RBM18: variants seen among roughly 807,000 people sequenced by gnomAD.
RBM18 encodes the protein RNA binding motif protein 18, also known as probable RNA-binding protein 18.
RBM18 carries 18 observed loss-of-function variants against 26.4 expected under a neutral mutation model. That is an observed-to-expected ratio of 0.68 (90% CI 0.47 to 1.01). RBM18 has a LOEUF of 1.01. Among genes scored for constraint, RBM18 ranks in the 50% least tolerant of loss-of-function variants. The pLI is 0.00. For synonymous variants in RBM18, 74 were observed against 81.1 expected, an observed-to-expected ratio of 0.91 and a Z score of 0.47; for missense variants, 180 against 219.2, an observed-to-expected ratio of 0.82 and a Z score of 1.13.
intron 3 of RBM18, among the ~76,000 whole-genome samples, chr9:122,250,902 A>AATTATT (rs35650318): frequency 1.3e-4 from 20 of 148,734 alleles, no homozygotes; most frequent in East Asian, 5.9e-4. Flanking sequence ...CACTCATACA[A>AATTATT]ATTATTATTA....
intron 2 of RBM18, among the ~76,000 whole-genome samples, chr9:122,260,879 A>C (rs1831781676): frequency 6.6e-6 from 1 of 152,178 alleles, no homozygotes; most frequent in Admixed American, 6.5e-5. Context: ...TTGGCACTCA[A>C]ATCATTTAAT....
chr9:122,263,287 G>A (rs551900329), intron 1 of RBM18, among the ~76,000 whole-genome samples: 3 of 152,146 alleles, frequency 2.0e-5, no homozygotes, highest in Non-Finnish European at 4.4e-5. Flanking sequence ...TGTAAGTCAA[G>A]CAACTAGGAA....
chr9:122,241,981 G>A lies in RBM18; in HGVS notation c.476C>T (p.Ala159Val). The change falls in exon 6 of 6, where the codon GCA (alanine) becomes GTA (valine). Residue 159 changes from alanine (A) to valine (V), a missense_variant. By Grantham distance (64) the Ala-to-Val change is moderately conservative (BLOSUM62 0). This residue lies in a region of RBM18 where 103 missense variants were observed against 102.8 expected (regional missense o/e 1.00). Transcript: ENST00000417201. ...ATAAACAGGCGCTGCTGGATACTCTGCATCAGGATTTTCCGCCATCATTTT... is the reference window on the plus strand; with the variant it reads ...ATAAACAGGCGCTGCTGGATACTCTACATCAGGATTTTCCGCCATCATTTT... ...KLKMMAENPD[A>V]EYPAAPVYSY... The A allele has an allele frequency of 6.2e-7, 1 of 1,614,070 alleles. No individual in the cohort carries two copies. Among genetic ancestry groups the A allele is most frequent in the Non-Finnish European group, 8.5e-7 (1 of 1,180,002 alleles).
rs1379098245 is a variant in RBM18 at position 122,239,725 on chromosome 9, C to A, written c.*2159G>T. On this transcript the variant is annotated 3_prime_UTR_variant, in exon 6 of 6. Coordinates refer to ENST00000417201, the MANE Select transcript of RBM18 (RefSeq NM_033117.4). ...CTACCACGAGAGACTAAACACAGTA[C>A]GATACTTGCAGAGATTTCCATTAAC... is the stretch of plus-strand genomic sequence containing the variant. 6.6e-6 allele frequency: 1 copy of A among 152,220 alleles called. No homozygotes were observed. The highest frequency in any genetic ancestry group is 2.4e-5 in the African/African-American group (1 of 41,452). The allele number at this position is 152,220 out of a possible 1,614,324, so 9.4% of individuals were successfully genotyped here.
intron 1 of RBM18, among the ~76,000 whole-genome samples, chr9:122,263,598 T>C (rs1168001344): frequency 1.3e-5 from 2 of 151,922 alleles, no homozygotes; most frequent in Admixed American, 6.6e-5. Context: ...AAAAGCAAAA[T>C]AAATAAAGAA....
intron 3 of RBM18, among the ~76,000 whole-genome samples, chr9:122,250,417 C>T (rs895645845): frequency 2.6e-5 from 4 of 152,118 alleles, no homozygotes; most frequent in Admixed American, 2.6e-4. Context: ...AACCCAAATA[C>T]CAGTGAAACA....
Position 122,261,468 on chromosome 9 carries a change from G to T in RBM18, c.25C>A (p.Pro9Thr), listed in dbSNP as rs767203964. The T allele has an allele frequency of 3.7e-6, 6 of 1,613,968 alleles. No homozygotes were observed. The highest frequency in any genetic ancestry group is 5.1e-6 in the Non-Finnish European group (6 of 1,179,934). Reference sequence around the variant, plus strand: ...GAAAGGATGGATGCATTCTCCAGGGGAAGAGTTTTGGTTTCTGCTTCCATC... The same window carrying T: ...GAAAGGATGGATGCATTCTCCAGGGTAAGAGTTTTGGTTTCTGCTTCCATC... Reference protein sequence around the residue: MEAETKTLPLENASILSEG... With the variant: MEAETKTLTLENASILSEG... Residue 9 changes from proline (P) to threonine (T), a missense_variant, in exon 2 of 6, where the codon CCC (proline) becomes ACC (threonine). This residue lies in a region of RBM18 where 49 missense variants were observed against 56.6 expected (regional missense o/e 0.87). Coordinates refer to ENST00000417201, the MANE Select transcript of RBM18 (RefSeq NM_033117.4).
rs575501607 is a variant in RBM18, at chr9:122,240,039, A to T, written c.*1845T>A. The T allele has an allele frequency of 6.6e-6, 1 of 152,380 alleles. No individual in the cohort carries two copies. The highest frequency in any genetic ancestry group is 1.5e-5 in the Non-Finnish European group (1 of 68,040). The allele number at this position is 152,380 out of a possible 1,614,324, so 9.4% of individuals were successfully genotyped here. On this transcript the variant is annotated 3_prime_UTR_variant, in exon 6 of 6. Coordinates refer to ENST00000417201, the MANE Select transcript of RBM18 (RefSeq NM_033117.4). ...GTCTTACATTTATTCACACAGAGGGATAAGAATCAGTACAAATAATAAACA... is the reference window on the plus strand; with the variant it reads ...GTCTTACATTTATTCACACAGAGGGTTAAGAATCAGTACAAATAATAAACA...
In RBM18 at chr9:122,240,519, T is replaced by A. The variant is rs1212971591; in HGVS notation, c.*1365A>T. The A allele has an allele frequency of 2.6e-5, 4 of 152,228 alleles. No homozygotes were observed. The highest frequency in any genetic ancestry group is 5.9e-5 in the Non-Finnish European group (4 of 68,032). The allele number at this position is 152,228 out of a possible 1,614,324, so 9.4% of individuals were successfully genotyped here. A position where few individuals can be genotyped will look rare whatever the true frequency, so the allele number is the denominator to read the frequency against. On this transcript the variant is annotated 3_prime_UTR_variant, in exon 6 of 6. Coordinates refer to ENST00000417201, the MANE Select transcript of RBM18 (RefSeq NM_033117.4). ...TTAAGTTCCTATATTGAAAGCTTCC[T>A]CTTGCTAACAACGATAGTGATAAAC...
At chr9:122,245,657 C>T (rs76531593) in intron 4 of RBM18, among the ~76,000 whole-genome samples, 4,107 of 152,138 alleles carry the variant, frequency 0.027, 74 homozygotes, top group Non-Finnish European at 0.038. Flanking sequence ...TCACATATCA[C>T]CTCTTACAAT....
At chr9:122,247,379 T>C (rs1026022704) in intron 4 of RBM18, 139 bp downstream of exon 4, 5 of 697,334 alleles carry the variant, frequency 7.2e-6, no homozygotes, top group African/African-American at 1.8e-5. Flanking sequence ...GCAACACACA[T>C]GGTAGATACA....
chr9:122,243,517 G>A (rs1372618148), intron 5 of RBM18, among the ~76,000 whole-genome samples: 1 of 152,150 alleles, frequency 6.6e-6, no homozygotes, highest in Non-Finnish European at 1.5e-5. Flanking sequence ...ATTTGCTTTT[G>A]ATTGAGATCA....
In RBM18 at chr9:122,251,979, G is replaced by A. The variant is rs200407623; in HGVS notation, c.114-6C>T. On this transcript the variant is annotated splice_region_variant and splice_polypyrimidine_tract_variant and intron_variant, in intron 2 of 5. Transcript: ENST00000417201. ...GGAGCTTGAGGAGGTGGTATCTGTG[G>A]AGAAAGAAGAGTCCATGAGTATGCT... 1.6e-3 allele frequency: 2,512 copies of A among 1,614,000 alleles called. 4 individuals carry two copies. Among genetic ancestry groups the A allele is most frequent in the Non-Finnish European group, 2.0e-3 (2,310 of 1,179,924 alleles).
chr9:122,260,880 A>T (rs183933722), intron 2 of RBM18, among the ~76,000 whole-genome samples: 1 of 152,200 alleles, frequency 6.6e-6, no homozygotes, highest in Non-Finnish European at 1.5e-5. Flanking sequence ...TGGCACTCAA[A>T]TCATTTAATG....
rs758636046 is a variant in RBM18, at chr9:122,242,030, T to C, written c.427A>G (p.Ile143Val). ...TTCAGTTTTGCTTCAATGGCTTTTA[T>C]CTTTGCAGTGACACTGGAAAAATAA... ...TQSNLSVTAK[I>V]KAIEAKLKMM... Residue 143 changes from isoleucine to valine, a missense_variant, in exon 6 of 6, where the codon ATA becomes GTA. By Grantham distance (29) the Ile-to-Val change is conservative. Coordinates refer to ENST00000417201, the MANE Select transcript of RBM18 (RefSeq NM_033117.4). The C allele has an allele frequency of 1.2e-6, 2 of 1,613,968 alleles. No homozygotes were observed. Among genetic ancestry groups the C allele is most frequent in the Admixed American group, 3.3e-5 (2 of 59,992 alleles).
chr9:122,261,363 A>T lies in RBM18; in HGVS notation c.113+17T>A, dbSNP rs1334580085. 6.4e-7 allele frequency: 1 copy of T among 1,561,358 alleles called. No homozygotes were observed. Among genetic ancestry groups the T allele is most frequent in the East Asian group, 2.2e-5 (1 of 44,658 alleles). On this transcript the variant is annotated intron_variant, in intron 2 of 5. Coordinates refer to ENST00000417201, the MANE Select transcript of RBM18 (RefSeq NM_033117.4). The stretch of plus-strand genomic sequence containing the variant: ...TCCCAATATTGTAGGTAAAAAACTA[A>T]GGTAACTTAGACTTACTCGGTAATT...
chr9:122,256,405 C>T (rs770042934), intron 2 of RBM18, among the ~76,000 whole-genome samples: 6 of 152,156 alleles, frequency 3.9e-5, no homozygotes, highest in Non-Finnish European at 8.8e-5. Context: ...CATAATACAG[C>T]GGCTACGACT....
At position 122,241,828 on chromosome 9, in the gene RBM18, G is replaced by T; in HGVS notation, c.*56C>A. ...TTCACATCTACAAAGTACACAGGCA[G>T]ACGATTTTAGGTGTGGAGACCAATT... On this transcript the variant is annotated 3_prime_UTR_variant, in exon 6 of 6. Coordinates refer to ENST00000417201, the MANE Select transcript of RBM18 (RefSeq NM_033117.4). 6.6e-7 allele frequency: 1 copy of T among 1,521,178 alleles called. No homozygotes were observed. The highest frequency in any genetic ancestry group is 1.2e-5 in the South Asian group (1 of 86,340). The allele number at this position is 1,521,178 out of a possible 1,614,324, so 94.2% of individuals were successfully genotyped here.
intron 1 of RBM18, among the ~76,000 whole-genome samples, chr9:122,263,174 G>A (rs1831851162): frequency 6.6e-6 from 1 of 152,174 alleles, no homozygotes; most frequent in African/African-American, 2.4e-5. Context: ...AGCACACCCT[G>A]TAAAGTCTAG....
Sources: allele counts gnomAD v4.1 joint callset (sites outside exome capture counted in the v4.1 genomes callset), GRCh38; gene constraint gnomAD v4.1.1; regional missense constraint gnomAD v4.1.1; transcripts MANE v1.5; gene names NCBI Gene and HGNC (gene_info 2026-07-23, HGNC 2026-07-21).